HHIPL1: variants seen among roughly 807,000 people sequenced by gnomAD.
The protein encoded by HHIPL1 is HHIP like 1, also known as HHIP-like protein 1.
Under a neutral mutation model 61.8 loss-of-function variants are expected in HHIPL1, and 43 were observed. The observed-to-expected ratio is 0.70, with a 90% CI of 0.55 to 0.90. The LOEUF (loss-of-function observed/expected upper bound fraction) is 0.90, where lower values mean the gene tolerates loss of function less well. HHIPL1 is among the 40% of genes least tolerant of loss of function. The pLI, the probability that HHIPL1 is intolerant of heterozygous loss-of-function variation, is 0.00. For synonymous variants in HHIPL1, 482 were observed against 515.8 expected (o/e 0.93, Z 0.89); for missense variants, 1,056 against 1,157.7 (o/e 0.91, Z 1.28).
At chr14:99,653,474 A>C (rs1260804256) in intron 2 of HHIPL1, among the ~76,000 whole-genome samples, 1 of 152,208 alleles carries the variant, frequency 6.6e-6, no homozygotes, top group Non-Finnish European at 1.5e-5. Flanking sequence ...CTGGGACTAC[A>C]GGCACACACC....
rs199981551 is a variant in HHIPL1 at position 99,652,358 on chromosome 14, A to G, written c.390A>G (p.Ser130=). The G allele has an allele frequency of 1.4e-5, 23 of 1,614,156 alleles. No individual in the cohort carries two copies. Among genetic ancestry groups the G allele is most frequent in the Non-Finnish European group, 1.9e-5 (22 of 1,180,022 alleles). The change falls in exon 2 of 9, where the codon TCA becomes TCG. Residue 130 remains serine (S), a synonymous_variant. Transcript: ENST00000330710. The stretch of plus-strand genomic sequence containing the variant: ...GCCGGGGGCTGTTCCGTCACCTGTC[A>G]ACTGACCAGGAGCTCTGGGCGCTGG... ...HKCRGLFRHL[S]TDQELWALEG...
chr14:99,617,874 G>A, the HHIPL1 span, among the ~76,000 whole-genome samples: 1 of 152,196 alleles, frequency 6.6e-6, no homozygotes, highest in Non-Finnish European at 1.5e-5. Flanking sequence ...AGCCTGCAAG[G>A]TGGGCAGGGA....
chr14:99,626,845 C>T, the HHIPL1 span, among the ~76,000 whole-genome samples: 75 of 152,286 alleles, frequency 4.9e-4, no homozygotes, highest in Non-Finnish European at 8.7e-4. Flanking sequence ...CCTGGCTCCC[C>T]GAATCTGTTC....
Position 99,659,893 on chromosome 14 carries a change from C to T in HHIPL1, c.1375+137C>T. On this transcript the variant is annotated intron_variant, in intron 4 of 8. Coordinates refer to ENST00000330710, the MANE Select transcript of HHIPL1 (RefSeq NM_001127258.3). Reference sequence around the variant, plus strand: ...CTGACCCTGAGTCTGTCCTCGGCCCCACTCTATGGGCTGTGCGGCAGGGCC... The same window carrying T: ...CTGACCCTGAGTCTGTCCTCGGCCCTACTCTATGGGCTGTGCGGCAGGGCC... 3.9e-6 allele frequency: 3 copies of T among 772,800 alleles called. No homozygotes were observed. The South Asian group carries it at 5.8e-5, about 15-fold the overall frequency. The allele number at this position is 772,800 out of a possible 1,614,324, so 47.9% of individuals were successfully genotyped here. A position where few individuals can be genotyped will look rare whatever the true frequency, so the allele number is the denominator to read the frequency against.
the HHIPL1 span, among the ~76,000 whole-genome samples, chr14:99,639,406 G>A: frequency 6.6e-6 from 1 of 152,162 alleles, no homozygotes; most frequent in Non-Finnish European, 1.5e-5. Context: ...CTGAAGTGCA[G>A]TGATCATGGC....
chr14:99,632,884 A>T, the HHIPL1 span, among the ~76,000 whole-genome samples: 66 of 140,456 alleles, frequency 4.7e-4, 1 homozygote, highest in Middle Eastern at 3.5e-3. Flanking sequence ...TGTGTGTGTG[A>T]GAGAGAGAGA....
At chr14:99,656,935 T>C in intron 2 of HHIPL1, 65 bp from the exon 3 acceptor site, 1 of 1,404,432 alleles carries the variant, frequency 7.1e-7, no homozygotes, top group Non-Finnish European at 9.5e-7. Flanking sequence ...GAGACCGTGA[T>C]CTTGTTTTGT....
At chr14:99,644,169 G>C (rs1331635399), upstream of HHIPL1, among the ~76,000 whole-genome samples, 1 of 152,120 alleles carries the variant, frequency 6.6e-6, no homozygotes, top group East Asian at 1.9e-4. Flanking sequence ...AGGAGCATGG[G>C]CCCAAAGACA....
At chr14:99,606,914 C>T in the HHIPL1 span, among the ~76,000 whole-genome samples, 1 of 152,156 alleles carries the variant, frequency 6.6e-6, no homozygotes, top group East Asian at 1.9e-4. Context: ...AGGCCAGAGC[C>T]CCCTCCCGGA....
At chr14:99,645,514 T>C (rs911237986) in intron 1 of HHIPL1, 52 bp downstream of exon 1, 10 of 1,249,744 alleles carry the variant, frequency 8.0e-6, no homozygotes, top group Admixed American at 4.3e-5. Context: ...GGCCGAGTCC[T>C]GGAGCAGAGA....
At chr14:99,621,755 G>A in the HHIPL1 span, among the ~76,000 whole-genome samples, 3 of 97,670 alleles carry the variant, frequency 3.1e-5, no homozygotes, top group African/African-American at 4.0e-5. Flanking sequence ...TTGCTCTGTT[G>A]CCCAGGCTGG....
At chr14:99,614,186 T>A in the HHIPL1 span, among the ~76,000 whole-genome samples, 1 of 152,048 alleles carries the variant, frequency 6.6e-6, no homozygotes, top group African/African-American at 2.4e-5. Flanking sequence ...AAAGGAGGCG[T>A]GAACCCCAGG....
rs147749989 is a variant in HHIPL1, at chr14:99,657,057, C to T, written c.960C>T (p.Phe320=). 23 of 1,613,488 alleles carry T rather than the reference C, an allele frequency of 1.4e-5. No homozygotes were observed. The Admixed American group carries it at 2.0e-4, about 14-fold the overall frequency. The part of the protein sequence containing the change: ...ASNHNGGQLL[F]GDDGYLYIFT... Reference sequence around the variant, plus strand: ...ACCACAACGGGGGCCAGCTGCTTTTCGGGGATGACGGGTACCTCTACATCT... The same window carrying T: ...ACCACAACGGGGGCCAGCTGCTTTTTGGGGATGACGGGTACCTCTACATCT... The change falls in exon 3 of 9, where the codon TTC becomes TTT. Residue 320 remains phenylalanine, a synonymous_variant. Transcript: ENST00000330710.
chr14:99,623,657 T>C, the HHIPL1 span, among the ~76,000 whole-genome samples: 2 of 152,116 alleles, frequency 1.3e-5, no homozygotes, highest in African/African-American at 4.8e-5. Context: ...CAAGCAACCC[T>C]CCAGCCTCGG....
the HHIPL1 span, among the ~76,000 whole-genome samples, chr14:99,622,448 C>A: frequency 6.6e-6 from 1 of 152,186 alleles, no homozygotes; most frequent in East Asian, 1.9e-4. Context: ...GAGCTTGCTC[C>A]CCGACAACTG....
At chr14:99,617,581 C>T in the HHIPL1 span, among the ~76,000 whole-genome samples, 1 of 152,176 alleles carries the variant, frequency 6.6e-6, no homozygotes, top group Non-Finnish European at 1.5e-5. Flanking sequence ...TTTAGTGTTA[C>T]ATGATTGCTT....
chr14:99,610,689 A>C, the HHIPL1 span, among the ~76,000 whole-genome samples: 5 of 152,060 alleles, frequency 3.3e-5, no homozygotes, highest in Admixed American at 3.3e-4. Flanking sequence ...TGAACCCGGG[A>C]GGCAGAGGTT....
chr14:99,665,534 G>A (rs545195711), intron 6 of HHIPL1, among the ~76,000 whole-genome samples: 17 of 152,294 alleles, frequency 1.1e-4, no homozygotes, highest in Admixed American at 6.5e-4. Flanking sequence ...TCCAACTCCT[G>A]GGCAATCCTT....
the HHIPL1 span, among the ~76,000 whole-genome samples, chr14:99,613,866 A>T: frequency 2.0e-5 from 3 of 152,190 alleles, no homozygotes; most frequent in African/African-American, 7.2e-5. Context: ...AGCCGAGATC[A>T]TGCCGTTGCA....
Sources: allele counts gnomAD v4.1 joint callset (sites outside exome capture counted in the v4.1 genomes callset), GRCh38; gene constraint gnomAD v4.1.1; transcripts MANE v1.5; gene names NCBI Gene and HGNC (gene_info 2026-07-23, HGNC 2026-07-21).